HECTD4: variants seen among roughly 807,000 people sequenced by gnomAD.
HECTD4 encodes probable E3 ubiquitin-protein ligase HECTD4.
HECTD4 carries 114 observed loss-of-function variants against 471.5 expected under a neutral mutation model. That is an observed-to-expected ratio of 0.24 (90% CI 0.21 to 0.28). The LOEUF (loss-of-function observed/expected upper bound fraction) is 0.28. HECTD4 is among the 10% of genes least tolerant of loss of function. The probability of loss-of-function intolerance (pLI) is 1.00; values close to 1 mark genes in which losing one functional copy is unlikely to be tolerated. For synonymous variants in HECTD4, 2,012 were observed against 2,256.0 expected (o/e 0.89, Z 3.07); for missense variants, 3,866 against 5,651.5 (o/e 0.68, Z 10.13).
chr12:112,330,174 C>T (rs368998433), intron 1 of HECTD4, among the ~76,000 whole-genome samples: 27 of 151,422 alleles, frequency 1.8e-4, no homozygotes, highest in East Asian at 3.9e-4. Flanking sequence ...CTACTTGGGA[C>T]GCTGAGGCAG....
Position 112,300,892 on chromosome 12 carries a change from C to T in HECTD4, c.1335+5172G>A, listed in dbSNP as rs12582377. On this transcript the variant is annotated intron_variant, in intron 7 of 75. Transcript: ENST00000682272. Reference sequence around the variant, plus strand: ...GCCTGTATTACTTCTTTTTCTTTTTCTTTTTTTTTTGAGATGGAGCCTCGC... The same window carrying T: ...GCCTGTATTACTTCTTTTTCTTTTTTTTTTTTTTTTGAGATGGAGCCTCGC... Among the ~76,000 whole-genome samples the T allele has an allele frequency of 0.055, 8,227 of 148,272 alleles. 1,254 individuals carry two copies. In the East Asian group the frequency reaches 0.61, roughly 11 times the overall value.
At chr12:112,226,816 G>T in intron 43 of HECTD4, 58 bp from the exon 44 acceptor site, 4 of 1,281,270 alleles carry the variant, frequency 3.1e-6, no homozygotes, top group Non-Finnish European at 3.3e-6. Flanking sequence ...GTCTAAAAAA[G>T]TCAACTGTGA....
rs924956842 is a variant in HECTD4, at chr12:112,273,736, G to C, written c.1861C>G (p.Gln621Glu). Residue 621 changes from glutamine to glutamate, a missense_variant, in exon 11 of 76, where the codon CAG (glutamine) becomes GAG (glutamate). Around this residue, in one of 16 missense-constraint regions of HECTD4, gnomAD observed 525 missense variants for 672.6 expected, o/e 0.78. Coordinates refer to ENST00000682272, the MANE Select transcript of HECTD4 (RefSeq NM_001388303.1). ...GCTTGATTCCCAGGGTTACACCACT[G>C]ATCGATATAGTCATTTGAGCATGTC... ...LWTCSNDYID[Q>E]WCNPGNQAFH... The C allele has an allele frequency of 1.2e-6, 2 of 1,613,818 alleles. No homozygotes were observed. The highest frequency in any genetic ancestry group is 1.7e-6 in the Non-Finnish European group (2 of 1,179,800).
At chr12:112,324,087 T>TTTCTTTCC (rs2035687104) in intron 1 of HECTD4, among the ~76,000 whole-genome samples, 1 of 103,590 alleles carries the variant, frequency 9.7e-6, no homozygotes, top group Non-Finnish European at 1.8e-5. Context: ...TCTTTCTTTC[T>TTTCTTTCC]TTCTTTCTTT....
Position 112,193,278 on chromosome 12 carries a change from A to G in HECTD4, c.8956-87T>C. On this transcript the variant is annotated intron_variant, in intron 57 of 75. Coordinates refer to ENST00000682272, the MANE Select transcript of HECTD4 (RefSeq NM_001388303.1). This position sits in a 1 kb window ranked among gnomAD's most constrained non-coding sequence, Gnocchi z 5.2. Reference sequence around the variant, plus strand: ...CTCATCTCACATGGCCCAGGAAATCAGCCAAACGACTAAATAGCCCTCTGG... The same window carrying G: ...CTCATCTCACATGGCCCAGGAAATCGGCCAAACGACTAAATAGCCCTCTGG... 1.3e-6 allele frequency: 2 copies of G among 1,525,208 alleles called. No homozygotes were observed. Among genetic ancestry groups the G allele is most frequent in the Non-Finnish European group, 1.8e-6 (2 of 1,122,104 alleles). 94.5% of individuals were successfully genotyped at this position (1,525,208 alleles called of 1,614,324 possible). A position where few individuals can be genotyped will look rare whatever the true frequency, so the allele number is the denominator to read the frequency against.
rs2135691108 is a variant in HECTD4, at chr12:112,313,042, G to A, written c.891C>T (p.Asn297=). ...CTTTATTTTCAGAACTGGAGCCAGT[G>A]TTGCTATCCGGCGCAGGCAACATGT... is the stretch of plus-strand genomic sequence containing the variant. ...YEDMLPAPDS[N]TGSSSENKDA... Residue 297 remains asparagine, a synonymous_variant, in exon 4 of 76, where the codon AAC becomes AAT. Transcript: ENST00000682272. 3 of 1,535,730 alleles carry A rather than the reference G, an allele frequency of 2.0e-6. No individual in the cohort carries two copies. In the Admixed American group the frequency reaches 5.9e-5, roughly 30 times the overall value.
rs2033376907 is a variant in HECTD4, at chr12:112,231,431, GA to G, written c.6200+81del. 33 of 1,373,014 alleles carry G rather than the reference GA, an allele frequency of 2.4e-5. No homozygotes were observed. In the South Asian group the frequency reaches 3.9e-4, roughly 16 times the overall value. 85.1% of individuals were successfully genotyped at this position (1,373,014 alleles called of 1,614,324 possible). A position where few individuals can be genotyped will look rare whatever the true frequency, so the allele number is the denominator to read the frequency against. On this transcript the variant is annotated intron_variant, in intron 39 of 75. Coordinates refer to ENST00000682272, the MANE Select transcript of HECTD4 (RefSeq NM_001388303.1). ...TTTCCAAGAGGTCAAGGGGATGGTAGAAAATTAAAAAGCTAAAAACAAACCC... is the reference window on the plus strand; with the variant it reads ...TTTCCAAGAGGTCAAGGGGATGGTAGAAATTAAAAAGCTAAAAACAAACCC...
chr12:112,279,179 CAG>C, intron 9 of HECTD4, 47 bp downstream of exon 9: 1 of 1,506,142 alleles, frequency 6.6e-7, no homozygotes, highest in Non-Finnish European at 9.0e-7. Flanking sequence ...CTTTAAATTT[CAG>C]AGTTTGAGAT....
intron 1 of HECTD4, among the ~76,000 whole-genome samples, chr12:112,346,496 G>A (rs1274650273): frequency 6.6e-6 from 1 of 152,104 alleles, no homozygotes; most frequent in Non-Finnish European, 1.5e-5. Flanking sequence ...TTAGGATGAA[G>A]CCTATTACTA....
At chr12:112,250,487 A>G (rs1348465387) in intron 24 of HECTD4, 110 bp from the exon 25 acceptor site, 1 of 773,404 alleles carries the variant, frequency 1.3e-6, no homozygotes, top group African/African-American at 1.7e-5. Context: ...TTCTGTGTTA[A>G]GTAATTACTC....
chr12:112,215,304 T>TTCCCCA (rs1446450392), intron 48 of HECTD4, among the ~76,000 whole-genome samples: 1 of 152,212 alleles, frequency 6.6e-6, no homozygotes, highest in Non-Finnish European at 1.5e-5. Flanking sequence ...TGACTTCATA[T>TTCCCCA]TCCCCATCTC....
intron 37 of HECTD4, 62 bp from the exon 38 acceptor site, chr12:112,233,147 T>C (rs2033422142): frequency 7.5e-7 from 1 of 1,337,348 alleles, no homozygotes; most frequent in Non-Finnish European, 1.0e-6. Flanking sequence ...GTGGGCTGCA[T>C]GCCATGGGGT....
chr12:112,179,514 AG>A lies in HECTD4; in HGVS notation c.10988-118del. ...GGGGCAGTGGATGGACATTAGTGGA[AG>A]GAAGAGCTGCCCACCAAAGCCTGGC... On this transcript the variant is annotated intron_variant, in intron 62 of 75. Coordinates refer to ENST00000682272, the MANE Select transcript of HECTD4 (RefSeq NM_001388303.1). This position sits in a 1 kb window ranked among gnomAD's most constrained non-coding sequence, Gnocchi z 4.3. 1.1e-6 allele frequency: 1 copy of A among 914,598 alleles called. No homozygotes were observed. The highest frequency in any genetic ancestry group is 2.6e-5 in the East Asian group (1 of 37,994). The allele number at this position is 914,598 out of a possible 1,614,324, so 56.7% of individuals were successfully genotyped here.
At chr12:112,269,192 G>T (rs2034360024) in intron 13 of HECTD4, among the ~76,000 whole-genome samples, 1 of 152,152 alleles carries the variant, frequency 6.6e-6, no homozygotes, top group Admixed American at 6.5e-5. Flanking sequence ...TTTTAAACAG[G>T]TTGATAAAGG....
At chr12:112,284,055 T>G (rs1428117211) in intron 7 of HECTD4, among the ~76,000 whole-genome samples, 1 of 151,996 alleles carries the variant, frequency 6.6e-6, no homozygotes, top group Non-Finnish European at 1.5e-5. Flanking sequence ...TCTTCCAACT[T>G]AAGAATCTTG....
intron 7 of HECTD4, among the ~76,000 whole-genome samples, chr12:112,286,416 G>A (rs778120278): frequency 6.6e-5 from 10 of 152,230 alleles, no homozygotes; most frequent in Admixed American, 1.3e-4. Context: ...GTTCACACCT[G>A]TAATCCCAGC....
intron 44 of HECTD4, among the ~76,000 whole-genome samples, chr12:112,219,880 T>C (rs935263607): frequency 4.0e-5 from 6 of 151,660 alleles, no homozygotes; most frequent in African/African-American, 1.2e-4. Context: ...GATTACAGGC[T>C]TGAGCCACCG....
At chr12:112,271,792 A>G (rs534410818) in intron 11 of HECTD4, among the ~76,000 whole-genome samples, 17 of 152,176 alleles carry the variant, frequency 1.1e-4, no homozygotes, top group African/African-American at 3.6e-4. Context: ...TTGTTTTTTA[A>G]AATAATCTCT....
At chr12:112,373,652 G>C (rs1023737487) in intron 1 of HECTD4, among the ~76,000 whole-genome samples, 14 of 152,152 alleles carry the variant, frequency 9.2e-5, no homozygotes, top group African/African-American at 3.4e-4. Flanking sequence ...CAATATGCTG[G>C]CGCTGTTGTC....
Sources: gnomAD v4.1 joint callset for allele counts (sites outside exome capture counted in the v4.1 genomes callset) on GRCh38, gnomAD v4.1.1 for gene constraint, gnomAD v4.1.1 regional missense constraint, Gnocchi (gnomAD v3.1) non-coding constraint, MANE v1.5 for transcripts, NCBI Gene and HGNC (gene_info 2026-07-23, HGNC 2026-07-21) for gene names.